The following STK3 variants were observed in gnomAD, a reference collection of about 807,000 sequenced individuals.
STK3 encodes serine/threonine-protein kinase 3.
A neutral mutation model predicts 58.0 loss-of-function variants in STK3; 41 were observed. The ratio of observed to expected loss-of-function variants is 0.71; its 90% CI spans 0.55 to 0.92. The LOEUF is 0.92. STK3 is among the 40% of genes least tolerant of loss of function. The probability of loss-of-function intolerance (pLI) is 0.00; values close to 1 mark genes in which losing one functional copy is unlikely to be tolerated. For missense variants in STK3, 479 were observed against 602.7 expected, an observed-to-expected ratio of 0.79 and a Z score of 2.15; for synonymous variants, 170 against 191.0, an observed-to-expected ratio of 0.89 and a Z score of 0.91.
chr8:98,940,429 A>C (rs1410172232), intron 1 of STK3, among the ~76,000 whole-genome samples: 1 of 152,064 alleles, frequency 6.6e-6, no homozygotes, highest in Non-Finnish European at 1.5e-5. Context: ...CGGCCACGCA[A>C]CTTGCCCTGA....
chr8:98,569,948 C>T (rs952958422), intron 8 of STK3, among the ~76,000 whole-genome samples: 6 of 148,200 alleles, frequency 4.0e-5, no homozygotes, highest in Non-Finnish European at 7.4e-5. Flanking sequence ...TATATTTATA[C>T]ACATTTTCAA....
At chr8:98,449,112 T>G (rs1175820262) in intron 1 of STK3, among the ~76,000 whole-genome samples, 2 of 152,144 alleles carry the variant, frequency 1.3e-5, no homozygotes, top group Non-Finnish European at 2.9e-5. Flanking sequence ...TCTTGGCTCC[T>G]TCCAGAAGAA....
At chr8:98,864,115 C>G (rs575963103) in intron 3 of STK3, among the ~76,000 whole-genome samples, 4 of 141,648 alleles carry the variant, frequency 2.8e-5, no homozygotes, top group Admixed American at 7.9e-5. Context: ...AGGAGAATGG[C>G]ATGAATCGGG....
intron 4 of STK3, among the ~76,000 whole-genome samples, chr8:98,743,973 T>G (rs1242107101): frequency 6.6e-6 from 1 of 151,962 alleles, no homozygotes; most frequent in African/African-American, 2.4e-5. Flanking sequence ...AAAAAACACA[T>G]GAGAAAATGC....
intron 3 of STK3, chr8:98,429,039 G>A (rs1398212581): frequency 6.2e-7 from 1 of 1,613,456 alleles, no homozygotes; most frequent in Non-Finnish European, 8.5e-7. Flanking sequence ...TGAAAAGGAG[G>A]AGAACGAGGG....
At chr8:98,412,908 C>T in intron 3 of STK3, 1 of 261,606 alleles carries the variant, frequency 3.8e-6, no homozygotes, top group Non-Finnish European at 7.3e-6. Context: ...GATTCACTAT[C>T]TGAACTTTCT....
intron 3 of STK3, chr8:98,427,748 G>A: frequency 2.0e-6 from 1 of 492,188 alleles, no homozygotes; most frequent in Non-Finnish European, 3.6e-6. Flanking sequence ...GGGTGGAGCT[G>A]TGCTAATAGA....
chr8:98,711,041 A>T (rs912849938), intron 4 of STK3, among the ~76,000 whole-genome samples: 5 of 152,114 alleles, frequency 3.3e-5, no homozygotes, highest in African/African-American at 1.2e-4. Flanking sequence ...TCTGGAGTGG[A>T]CCTCCAGCAA....
chr8:98,802,380 T>C (rs1833610553), intron 1 of STK3, among the ~76,000 whole-genome samples: 2 of 152,306 alleles, frequency 1.3e-5, no homozygotes, highest in South Asian at 4.1e-4. Flanking sequence ...AATTATTTAA[T>C]ATTCTTATCA....
chr8:98,656,426 G>T (rs1821531154), intron 6 of STK3, among the ~76,000 whole-genome samples: 1 of 151,852 alleles, frequency 6.6e-6, no homozygotes. Flanking sequence ...CATGGCACGT[G>T]TATACATATG....
upstream of STK3, among the ~76,000 whole-genome samples, chr8:98,389,638 C>A (rs978037005): frequency 6.6e-6 from 1 of 151,692 alleles, no homozygotes; most frequent in East Asian, 1.9e-4. Context: ...TGCAGACAAA[C>A]CTTTCCATGT....
At chr8:98,558,503 G>A (rs2131621456) in intron 8 of STK3, among the ~76,000 whole-genome samples, 1 of 152,138 alleles carries the variant, frequency 6.6e-6, no homozygotes, top group South Asian at 2.1e-4. Flanking sequence ...CAATGAACAG[G>A]TGGTGATTCC....
At chr8:98,905,738 G>A (rs1838872199) in intron 1 of STK3, 2 of 522,102 alleles carry the variant, frequency 3.8e-6, no homozygotes, top group East Asian at 7.5e-5. Flanking sequence ...CTACAAAATC[G>A]TTTGTCTTGA....
intron 1 of STK3, among the ~76,000 whole-genome samples, chr8:98,888,762 G>A (rs1838087492): frequency 6.6e-6 from 1 of 152,188 alleles, no homozygotes; most frequent in South Asian, 2.1e-4. Context: ...GTCTGTGTTA[G>A]ATAGAACCTG....
chr8:98,644,016 A>G (rs970699939), intron 6 of STK3, among the ~76,000 whole-genome samples: 2 of 152,174 alleles, frequency 1.3e-5, no homozygotes, highest in African/African-American at 4.8e-5. Flanking sequence ...CCCCAACTCA[A>G]CAATAATAAT....
intron 2 of STK3, among the ~76,000 whole-genome samples, chr8:98,375,636 A>T (rs1389497513): frequency 2.0e-5 from 3 of 151,594 alleles, no homozygotes; most frequent in Non-Finnish European, 4.4e-5. Flanking sequence ...CAAGAATGTC[A>T]TGTCAATGGA....
intron 6 of STK3, among the ~76,000 whole-genome samples, chr8:98,632,727 T>C (rs1324476677): frequency 6.6e-6 from 1 of 152,168 alleles, no homozygotes; most frequent in Non-Finnish European, 1.5e-5. Context: ...AAATAATATT[T>C]TGTCAAAGAA....
the STK3 span, among the ~76,000 whole-genome samples, chr8:98,345,262 C>G: frequency 0.023 from 3,532 of 152,058 alleles, 203 homozygotes; most frequent in African/African-American, 0.081. Context: ...AAAGATGATC[C>G]CATATTCATT....
At chr8:98,929,714 G>A (rs1349833201) in intron 1 of STK3, among the ~76,000 whole-genome samples, 1 of 152,156 alleles carries the variant, frequency 6.6e-6, no homozygotes, top group Non-Finnish European at 1.5e-5. Context: ...CAGCCTCTTG[G>A]TCTCCCTTGA....
Sources: gnomAD v4.1 joint callset for allele counts (sites outside exome capture counted in the v4.1 genomes callset) on GRCh38, gnomAD v4.1.1 for gene constraint, MANE v1.5 for transcripts, NCBI Gene and HGNC (gene_info 2026-07-23, HGNC 2026-07-21) for gene names.